Variants in QSOX2 observed in about 807,000 individuals in gnomAD.
The protein encoded by QSOX2 is quiescin sulfhydryl oxidase 2, also known as sulfhydryl oxidase 2.
A neutral mutation model predicts 61.7 loss-of-function variants in QSOX2; 46 were observed. That is an observed-to-expected ratio of 0.75 (90% CI 0.59 to 0.95). The LOEUF is 0.95. Among genes scored for constraint, QSOX2 ranks in the 40% least tolerant of loss-of-function variants. The pLI is 0.00. For missense variants in QSOX2, 879 were observed against 918.9 expected (o/e 0.96, Z 0.56); for synonymous variants, 383 against 388.4 (o/e 0.99, Z 0.16).
Position 136,209,253 on chromosome 9 carries a change from C to A in QSOX2, c.1572G>T (p.Arg524=). The change falls in exon 12 of 12, where the codon CGG becomes CGT. Residue 524 remains arginine (R), a synonymous_variant. Coordinates refer to ENST00000358701, the MANE Select transcript of QSOX2 (RefSeq NM_181701.4). This position sits in a 1 kb window ranked among gnomAD's most constrained non-coding sequence, Gnocchi z 5.6. ...GAGTGGGCCACTGAAGCTTTGGAAACCGGGGATCCTCACTCAGATGGCCTA... is the reference window on the plus strand; with the variant it reads ...GAGTGGGCCACTGAAGCTTTGGAAAACGGGGATCCTCACTCAGATGGCCTA... ...RLAGHLSEDP[R]FPKLQWPTPD... is the part of the protein sequence containing the mutation. 1 of 1,612,964 alleles carries A rather than the reference C, an allele frequency of 6.2e-7. No individual in the cohort carries two copies. The highest frequency in any genetic ancestry group is 8.5e-7 in the Non-Finnish European group (1 of 1,179,276).
chr9:136,235,442 C>T (rs906949790), intron 1 of QSOX2, among the ~76,000 whole-genome samples: 4 of 152,184 alleles, frequency 2.6e-5, no homozygotes, highest in Admixed American at 6.5e-5. Flanking sequence ...GAAGGGGAGG[C>T]GGCCGCGGGA....
At chr9:136,237,264 C>T (rs1830393327) in intron 1 of QSOX2, among the ~76,000 whole-genome samples, 3 of 142,694 alleles carry the variant, frequency 2.1e-5, no homozygotes, top group Admixed American at 1.4e-4. Context: ...CCTGGGCTGG[C>T]GTCACCTGGA....
chr9:136,222,317 G>A lies in QSOX2; in HGVS notation c.676-376C>T, dbSNP rs10116187. 7.1e-3 allele frequency among the ~76,000 whole-genome samples: 1,084 copies of A among 152,252 alleles called. 11 individuals carry two copies. Among genetic ancestry groups the A allele is most frequent in the African/African-American group, 0.025 (1,030 of 41,526 alleles). ...CTCCCGTCCCGCGTGTGGAAGCTTCGTGGCCGGGGCAGCAGGCCTCGTGCT... is the reference window on the plus strand; with the variant it reads ...CTCCCGTCCCGCGTGTGGAAGCTTCATGGCCGGGGCAGCAGGCCTCGTGCT... On this transcript the variant is annotated intron_variant, in intron 5 of 11. Coordinates refer to ENST00000358701, the MANE Select transcript of QSOX2 (RefSeq NM_181701.4). This position sits in a 1 kb window ranked among gnomAD's most constrained non-coding sequence, Gnocchi z 6.9.
intron 1 of QSOX2, among the ~76,000 whole-genome samples, chr9:136,239,728 C>T (rs534694519): frequency 1.4e-3 from 207 of 152,326 alleles, no homozygotes; most frequent in African/African-American, 4.4e-3. Flanking sequence ...AAGGGGCATG[C>T]GGGCACCCCA....
intron 8 of QSOX2, among the ~76,000 whole-genome samples, chr9:136,217,126 T>C (rs1831923508): frequency 6.6e-6 from 1 of 152,270 alleles, no homozygotes; most frequent in African/African-American, 2.4e-5. Context: ...CCCGCTGGGC[T>C]TCCCCTCTGC....
intron 1 of QSOX2, among the ~76,000 whole-genome samples, chr9:136,245,190 G>A (rs1380042511): frequency 2.0e-5 from 3 of 152,196 alleles, no homozygotes; most frequent in African/African-American, 7.2e-5. Context: ...GTGCGGTGAG[G>A]GCTGCGGGAG....
intron 1 of QSOX2, among the ~76,000 whole-genome samples, chr9:136,244,950 A>T (rs1830458869): frequency 6.6e-6 from 1 of 152,194 alleles, no homozygotes; most frequent in Non-Finnish European, 1.5e-5. Flanking sequence ...ATGGCCAGCG[A>T]TCCGAACCAG....
At chr9:136,210,044 C>T (rs1831826930) in intron 11 of QSOX2, 4 of 985,318 alleles carry the variant, frequency 4.1e-6, no homozygotes, top group African/African-American at 3.5e-5. Flanking sequence ...GGACTTGAGA[C>T]GTGCCTGAAA....
intron 3 of QSOX2, among the ~76,000 whole-genome samples, chr9:136,224,490 G>C (rs1475743105): frequency 6.6e-6 from 1 of 152,192 alleles, no homozygotes; most frequent in East Asian, 1.9e-4. Context: ...TCCCTCACAG[G>C]CAGAGCCCCC....
In QSOX2 at chr9:136,209,929, C is replaced by T. The variant is rs557046855; in HGVS notation, c.1550-654G>A. On this transcript the variant is annotated intron_variant, in intron 11 of 11. Coordinates refer to ENST00000358701, the MANE Select transcript of QSOX2 (RefSeq NM_181701.4). The surrounding 1 kb of genome is among the most constrained non-coding windows in gnomAD (Gnocchi z 5.6). ...TCCGTCATGCAGAAGCTGCGGCGCACGGCGCCTCCTAGCTCTCGGAGCCCC... is the reference window on the plus strand; with the variant it reads ...TCCGTCATGCAGAAGCTGCGGCGCATGGCGCCTCCTAGCTCTCGGAGCCCC... 9 of 985,402 alleles carry T rather than the reference C, an allele frequency of 9.1e-6. No homozygotes were observed. In the African/African-American group the frequency reaches 1.2e-4, roughly 13 times the overall value. The allele number at this position is 985,402 out of a possible 1,614,324, so 61.0% of individuals were successfully genotyped here. A position where few individuals can be genotyped will look rare whatever the true frequency, so the allele number is the denominator to read the frequency against.
Position 136,216,664 on chromosome 9 carries a change from G to A in QSOX2, c.1145C>T (p.Ala382Val), listed in dbSNP as rs753807189. ...GGGGATCCTGTCCAGGGGAAGGCTG[G>A]CCAGCCACTCCTGCAGCATCTCCAA... ...KLLEMLQEWL[A>V]SLPLDRIPYN... is the part of the protein sequence containing the mutation. Residue 382 changes from alanine (A) to valine (V), a missense_variant, in exon 9 of 12, where the codon GCC (alanine) becomes GTC (valine). Physicochemically the swap from Ala to Val is moderately conservative, Grantham distance 64. Coordinates refer to ENST00000358701, the MANE Select transcript of QSOX2 (RefSeq NM_181701.4). 4 of 1,612,590 alleles carry A rather than the reference G, an allele frequency of 2.5e-6. No individual in the cohort carries two copies. The highest frequency in any genetic ancestry group is 3.4e-6 in the Non-Finnish European group (4 of 1,179,856).
chr9:136,232,569 C>T (rs987427375), intron 1 of QSOX2, among the ~76,000 whole-genome samples: 1 of 152,140 alleles, frequency 6.6e-6, no homozygotes, highest in African/African-American at 2.4e-5. Flanking sequence ...TGCATCAAAA[C>T]TCACACACGC....
chr9:136,224,407 G>T (rs563605693), intron 3 of QSOX2, among the ~76,000 whole-genome samples: 17 of 152,136 alleles, frequency 1.1e-4, no homozygotes, highest in Non-Finnish European at 1.9e-4. Flanking sequence ...CAGGCCAGGC[G>T]GCTCCACTGG....
At chr9:136,232,537 A>C (rs1162390437) in intron 1 of QSOX2, among the ~76,000 whole-genome samples, 3 of 152,188 alleles carry the variant, frequency 2.0e-5, no homozygotes, top group African/African-American at 7.2e-5. Flanking sequence ...AATATATACA[A>C]ATCTATTATA....
At chr9:136,228,301 A>G (rs180724744) in intron 1 of QSOX2, among the ~76,000 whole-genome samples, 2 of 152,304 alleles carry the variant, frequency 1.3e-5, no homozygotes, top group African/African-American at 4.8e-5. Context: ...CAATTCTGTA[A>G]AGAGAGACCT....
At chr9:136,236,396 G>A (rs1027174113) in intron 1 of QSOX2, among the ~76,000 whole-genome samples, 4 of 152,200 alleles carry the variant, frequency 2.6e-5, no homozygotes, top group African/African-American at 4.8e-5. Flanking sequence ...GAAACAGGAC[G>A]CCCTCTGAAA....
rs1180896099 is a variant in QSOX2 at position 136,209,319 on chromosome 9, T to C, written c.1550-44A>G. ...GGGAGAGCCAGAGGGAAGGAGGCTT[T>C]GTGCAGCCACGTGCAGCGTGCGGCA... On this transcript the variant is annotated intron_variant, in intron 11 of 11. Coordinates refer to ENST00000358701, the MANE Select transcript of QSOX2 (RefSeq NM_181701.4). The surrounding 1 kb of genome is among the most constrained non-coding windows in gnomAD (Gnocchi z 5.6). 1 of 1,588,626 alleles carries C rather than the reference T, an allele frequency of 6.3e-7. No individual in the cohort carries two copies. The highest frequency in any genetic ancestry group is 2.2e-5 in the East Asian group (1 of 44,530).
At chr9:136,212,112 G>A (rs78602956) in intron 10 of QSOX2, among the ~76,000 whole-genome samples, 13 of 152,320 alleles carry the variant, frequency 8.5e-5, no homozygotes, top group African/African-American at 2.9e-4. Flanking sequence ...TGGACAGGCC[G>A]GGGCGCTTCC....
At chr9:136,213,565 TCCC>T (rs777650129) in intron 10 of QSOX2, among the ~76,000 whole-genome samples, 3 of 146,958 alleles carry the variant, frequency 2.0e-5, no homozygotes, top group Non-Finnish European at 4.5e-5. Context: ...ACCCACCCTC[TCCC>T]CCAACCAGAC....
Sources: gnomAD v4.1 joint callset for allele counts (sites outside exome capture counted in the v4.1 genomes callset) on GRCh38, gnomAD v4.1.1 for gene constraint, Gnocchi (gnomAD v3.1) non-coding constraint, MANE v1.5 for transcripts, NCBI Gene and HGNC (gene_info 2026-07-23, HGNC 2026-07-21) for gene names.